The following PTPRD variants were observed in gnomAD, a reference collection of about 807,000 sequenced individuals.
PTPRD encodes protein tyrosine phosphatase receptor type D, also known as receptor-type tyrosine-protein phosphatase delta.
A neutral mutation model predicts 214.5 loss-of-function variants in PTPRD; 34 were observed. That is an observed-to-expected ratio of 0.16 (90% CI 0.12 to 0.21). PTPRD has a LOEUF of 0.21. PTPRD is among the 10% of genes least tolerant of loss of function. The pLI is 1.00. For missense variants in PTPRD, 2,545 were observed against 2,398.7 expected (o/e 1.06, Z -1.27); for synonymous variants, 1,128 against 845.7 (o/e 1.33, Z -5.79).
chr9:9,450,910 G>A (rs558683265), intron 8 of PTPRD, among the ~76,000 whole-genome samples: 10 of 146,108 alleles, frequency 6.8e-5, no homozygotes, highest in African/African-American at 2.5e-4. Flanking sequence ...CAAAAATACT[G>A]GTGAATATTT....
At chr9:10,433,252 G>A (rs1001539722) in intron 2 of PTPRD, among the ~76,000 whole-genome samples, 1 of 151,734 alleles carries the variant, frequency 6.6e-6, no homozygotes, top group Non-Finnish European at 1.5e-5. Flanking sequence ...ATACACACAG[G>A]CTCTTGTGCC....
chr9:8,934,393 A>ATC (rs1206724377), intron 11 of PTPRD, among the ~76,000 whole-genome samples: 3 of 48,214 alleles, frequency 6.2e-5, no homozygotes, highest in Non-Finnish European at 1.2e-4. Context: ...AATACTAATT[A>ATC]TGTGTGTGTG....
At chr9:10,608,055 T>C (rs890345704) in intron 2 of PTPRD, among the ~76,000 whole-genome samples, 1 of 152,142 alleles carries the variant, frequency 6.6e-6, no homozygotes, top group African/African-American at 2.4e-5. Flanking sequence ...CAATTTCCTC[T>C]TTAAAATGCA....
chr9:9,662,986 A>T (rs1197198544), intron 7 of PTPRD, among the ~76,000 whole-genome samples: 1 of 151,620 alleles, frequency 6.6e-6, no homozygotes, highest in Non-Finnish European at 1.5e-5. Context: ...TTCTTTATGC[A>T]TAAGTTTATT....
chr9:10,571,979 G>A (rs911014239), intron 2 of PTPRD, among the ~76,000 whole-genome samples: 1 of 152,134 alleles, frequency 6.6e-6, no homozygotes, highest in African/African-American at 2.4e-5. Flanking sequence ...CTGCTGCCCA[G>A]GGGTTGGGGA....
intron 4 of PTPRD, among the ~76,000 whole-genome samples, chr9:10,027,569 T>A (rs971920548): frequency 6.6e-6 from 1 of 152,212 alleles, no homozygotes; most frequent in Non-Finnish European, 1.5e-5. Context: ...AATATACATG[T>A]TCAGTCAATA....
At chr9:9,417,779 T>C (rs1196181622) in intron 8 of PTPRD, among the ~76,000 whole-genome samples, 1 of 152,060 alleles carries the variant, frequency 6.6e-6, no homozygotes, top group Non-Finnish European at 1.5e-5. Flanking sequence ...TAAAATGAGA[T>C]CAACTTGCCA....
At chr9:9,098,441 G>A (rs998218964) in intron 10 of PTPRD, among the ~76,000 whole-genome samples, 3 of 152,004 alleles carry the variant, frequency 2.0e-5, no homozygotes, top group African/African-American at 7.2e-5. Flanking sequence ...TAGAGACAGG[G>A]TTTCACCATG....
chr9:9,634,452 T>C (rs1485463723), intron 7 of PTPRD, among the ~76,000 whole-genome samples: 1 of 152,176 alleles, frequency 6.6e-6, no homozygotes, highest in African/African-American at 2.4e-5. Context: ...ATATAATTTA[T>C]ACAATCCATG....
chr9:8,821,070 T>C (rs542229550), intron 11 of PTPRD, among the ~76,000 whole-genome samples: 1 of 152,076 alleles, frequency 6.6e-6, no homozygotes, highest in South Asian at 2.1e-4. Context: ...CATCAGAAAA[T>C]AAGTGAAAAA....
chr9:9,041,129 G>A (rs982458014), intron 10 of PTPRD, among the ~76,000 whole-genome samples: 1 of 152,030 alleles, frequency 6.6e-6, no homozygotes, highest in African/African-American at 2.4e-5. Flanking sequence ...TTATAAGATA[G>A]AACTTTAACA....
chr9:8,967,572 T>C (rs1462160112), intron 11 of PTPRD, among the ~76,000 whole-genome samples: 1 of 151,602 alleles, frequency 6.6e-6, no homozygotes, highest in East Asian at 1.9e-4. Context: ...ACACACCAAA[T>C]CAATCTTGGA....
chr9:10,312,059 T>C (rs1001183451), intron 3 of PTPRD, among the ~76,000 whole-genome samples: 2 of 151,906 alleles, frequency 1.3e-5, no homozygotes, highest in Non-Finnish European at 2.9e-5. Context: ...TATTCACCTT[T>C]GAGAGTTGTG....
intron 39 of PTPRD, among the ~76,000 whole-genome samples, chr9:8,353,024 T>C (rs1588433109): frequency 6.6e-6 from 1 of 152,110 alleles, no homozygotes; most frequent in Non-Finnish European, 1.5e-5. Flanking sequence ...GACAGGAGAA[T>C]CGCTTGAACC....
At chr9:8,683,966 C>T (rs1025514347) in intron 12 of PTPRD, among the ~76,000 whole-genome samples, 2 of 152,156 alleles carry the variant, frequency 1.3e-5, no homozygotes, top group African/African-American at 4.8e-5. Context: ...ACTGTACCAG[C>T]AGCGAATGTT....
At chr9:8,980,833 A>C (rs1431876459) in intron 11 of PTPRD, among the ~76,000 whole-genome samples, 1 of 151,844 alleles carries the variant, frequency 6.6e-6, no homozygotes, top group South Asian at 2.1e-4. Flanking sequence ...TTTATGAATC[A>C]TGTAGGGCAA....
At chr9:10,078,724 G>C (rs147522325) in intron 3 of PTPRD, among the ~76,000 whole-genome samples, 1 of 151,896 alleles carries the variant, frequency 6.6e-6, no homozygotes, top group Non-Finnish European at 1.5e-5. Flanking sequence ...TCTGATTGCT[G>C]TTTCAAAATG....
rs899669179 is a variant in PTPRD, at chr9:10,158,018, T to C, written c.-544-124228A>G. On this transcript the variant is annotated intron_variant, in intron 3 of 45. Coordinates refer to ENST00000381196, the MANE Select transcript of PTPRD (RefSeq NM_002839.4). The stretch of plus-strand genomic sequence containing the variant: ...GTTTATGGTTTTTTGTTTGTTTGTT[T>C]GTTTGTTTTTGACAGAGTCTCACCC... Among the ~76,000 whole-genome samples the C allele has an allele frequency of 2.0e-5, 3 of 151,944 alleles. No homozygotes were observed. The East Asian group carries it at 5.8e-4, about 29-fold the overall frequency.
intron 5 of PTPRD, among the ~76,000 whole-genome samples, chr9:9,809,624 T>C (rs1166547912): frequency 6.6e-6 from 1 of 152,202 alleles, no homozygotes; most frequent in Non-Finnish European, 1.5e-5. Flanking sequence ...GAATGAATCT[T>C]GTCAGTTGTT....
Sources: gnomAD v4.1 joint callset for allele counts (sites outside exome capture counted in the v4.1 genomes callset) on GRCh38, gnomAD v4.1.1 for gene constraint, MANE v1.5 for transcripts, NCBI Gene and HGNC (gene_info 2026-07-23, HGNC 2026-07-21) for gene names.